The following GPC6 variants were observed in gnomAD, a reference collection of about 807,000 sequenced individuals.
GPC6 encodes glypican 6, also known as glypican-6.
In GPC6, 14 loss-of-function variants were observed where a neutral mutation model predicts 55.2. The ratio of observed to expected loss-of-function variants is 0.25; its 90% confidence interval spans 0.17 to 0.40. The LOEUF (loss-of-function observed/expected upper bound fraction) is 0.40, where lower values mean the gene tolerates loss of function less well. Ranked by LOEUF, GPC6 falls within the 10% of genes least tolerant of loss-of-function variation. GPC6 has a pLI of 1.00. For synonymous variants in GPC6, 278 were observed against 259.6 expected (o/e 1.07, Z -0.68); for missense variants, 641 against 708.5 (o/e 0.90, Z 1.08).
chr13:94,152,124 T>A (rs1362133064), intron 4 of GPC6, among the ~76,000 whole-genome samples: 2 of 152,146 alleles, frequency 1.3e-5, no homozygotes, highest in Admixed American at 6.6e-5. Flanking sequence ...TGGCACTCTA[T>A]GGCAGCCACA....
chr13:93,932,973 C>CTTTTTTTTTTTTTTTTTTTTTTT (rs59362571), intron 3 of GPC6, among the ~76,000 whole-genome samples: 1 of 102,362 alleles, frequency 9.8e-6, no homozygotes, highest in African/African-American at 3.6e-5. Context: ...TTGTTTTGTT[C>CTTTTTTTTTTTTTTTTTTTTTTT]TTTTTTTTTT....
chr13:93,439,071 T>C (rs1455418569), intron 1 of GPC6, among the ~76,000 whole-genome samples: 5 of 152,218 alleles, frequency 3.3e-5, no homozygotes, highest in Middle Eastern at 3.2e-3. Flanking sequence ...TTAAGGTATG[T>C]ACATTGTTTT....
At chr13:93,748,922 G>A (rs1180637734) in intron 2 of GPC6, among the ~76,000 whole-genome samples, 1 of 151,880 alleles carries the variant, frequency 6.6e-6, no homozygotes, top group Non-Finnish European at 1.5e-5. Context: ...TCTCATAATA[G>A]ACTACGCTGT....
intron 3 of GPC6, among the ~76,000 whole-genome samples, chr13:93,997,473 T>C (rs927450692): frequency 5.3e-5 from 8 of 152,114 alleles, no homozygotes; most frequent in African/African-American, 1.9e-4. Flanking sequence ...CTGCTCTTCG[T>C]GTCCAGAGCC....
intron 4 of GPC6, among the ~76,000 whole-genome samples, chr13:94,281,100 T>G (rs1307292180): frequency 6.6e-6 from 1 of 152,188 alleles, no homozygotes; most frequent in East Asian, 1.9e-4. Flanking sequence ...AACAAATAGT[T>G]ATTAGATTAA....
chr13:94,317,869 G>A (rs758320097), intron 6 of GPC6, among the ~76,000 whole-genome samples: 2 of 152,120 alleles, frequency 1.3e-5, no homozygotes, highest in African/African-American at 4.8e-5. Flanking sequence ...GTGTGCATGT[G>A]TGTGCATGTG....
At chr13:93,308,413 C>T (rs550646075) in intron 1 of GPC6, among the ~76,000 whole-genome samples, 3 of 152,144 alleles carry the variant, frequency 2.0e-5, no homozygotes, top group African/African-American at 4.8e-5. Context: ...ATTGTTGAAC[C>T]AAATTTAAAT....
chr13:94,333,495 A>C (rs1877529393), intron 6 of GPC6, among the ~76,000 whole-genome samples: 1 of 152,248 alleles, frequency 6.6e-6, no homozygotes, highest in South Asian at 2.1e-4. Context: ...GTGAATCCTA[A>C]AAGGAAATCA....
In GPC6 at chr13:94,354,348, CAA is replaced by C. The variant is rs61181264; in HGVS notation, c.1153-28056_1153-28055del. Among the ~76,000 whole-genome samples the C allele has an allele frequency of 1.9e-3, 255 of 136,280 alleles. 3 individuals carry two copies. The East Asian group carries it at 0.038, about 20-fold the overall frequency. The allele number at this position is 136,280 out of a possible 152,430, so 89.4% of individuals were successfully genotyped here. On this transcript the variant is annotated intron_variant, in intron 6 of 8. Transcript: ENST00000377047. ...ACTCAGCTCACTGTCAAAAAAGATACAAAAAAAAAAACAAGATACCATTCTTT... is the reference window on the plus strand; with the variant it reads ...ACTCAGCTCACTGTCAAAAAAGATACAAAAAAAAACAAGATACCATTCTTT...
intron 3 of GPC6, among the ~76,000 whole-genome samples, chr13:93,921,885 A>G (rs951425346): frequency 2.6e-5 from 4 of 151,484 alleles, no homozygotes; most frequent in African/African-American, 9.7e-5. Context: ...TTGCTGGGGA[A>G]CTGCCCTCTT....
chr13:94,145,969 T>C (rs1262286519), intron 4 of GPC6, among the ~76,000 whole-genome samples: 1 of 152,162 alleles, frequency 6.6e-6, no homozygotes, highest in East Asian at 1.9e-4. Flanking sequence ...AAGTCTGAGC[T>C]AAGATTTTAT....
chr13:94,146,837 C>G (rs552466359), intron 4 of GPC6, among the ~76,000 whole-genome samples: 2 of 152,028 alleles, frequency 1.3e-5, no homozygotes, highest in Non-Finnish European at 2.9e-5. Flanking sequence ...ATAAAATGAG[C>G]GTTGATAATT....
chr13:93,471,124 ATTC>A (rs1256331554), intron 1 of GPC6, among the ~76,000 whole-genome samples: 3 of 151,860 alleles, frequency 2.0e-5, no homozygotes, highest in Admixed American at 6.6e-5. Context: ...GGCTTTTCAT[ATTC>A]TTATTTTCTT....
chr13:93,650,732 G>A (rs1484350959), intron 2 of GPC6, among the ~76,000 whole-genome samples: 2 of 152,158 alleles, frequency 1.3e-5, no homozygotes, highest in African/African-American at 2.4e-5. Context: ...AGTCAATTCA[G>A]TAATCAGTTA....
chr13:93,970,733 G>C (rs1006283658), intron 3 of GPC6, among the ~76,000 whole-genome samples: 2 of 152,160 alleles, frequency 1.3e-5, no homozygotes, highest in African/African-American at 4.8e-5. Flanking sequence ...CTGACAACCT[G>C]ATCTTAGGAT....
At chr13:93,903,007 T>C (rs932501688) in intron 3 of GPC6, among the ~76,000 whole-genome samples, 3 of 152,186 alleles carry the variant, frequency 2.0e-5, no homozygotes, top group African/African-American at 7.2e-5. Flanking sequence ...TAAATTGTGC[T>C]GCAAAAACTG....
chr13:94,169,870 T>C (rs1255820881), intron 4 of GPC6, among the ~76,000 whole-genome samples: 4 of 152,080 alleles, frequency 2.6e-5, no homozygotes, highest in Non-Finnish European at 5.9e-5. Flanking sequence ...CATCTTCCTA[T>C]TTTCTCAGTT....
chr13:93,800,850 C>T (rs1310939213), intron 2 of GPC6, among the ~76,000 whole-genome samples: 3 of 152,122 alleles, frequency 2.0e-5, no homozygotes, highest in Non-Finnish European at 4.4e-5. Flanking sequence ...CTAACATTTC[C>T]CAATATTATG....
At chr13:93,712,240 G>A (rs1007135227) in intron 2 of GPC6, among the ~76,000 whole-genome samples, 1 of 151,662 alleles carries the variant, frequency 6.6e-6, no homozygotes, top group Non-Finnish European at 1.5e-5. Flanking sequence ...AAAAATATAT[G>A]GAGTAATGCG....
Sources: allele counts gnomAD v4.1 joint callset (sites outside exome capture counted in the v4.1 genomes callset), GRCh38; gene constraint gnomAD v4.1.1; transcripts MANE v1.5; gene names NCBI Gene and HGNC (gene_info 2026-07-23, HGNC 2026-07-21).